RAB33A: variants seen among roughly 807,000 people sequenced by gnomAD.
RAB33A encodes RAB33A, member RAS oncogene family, also known as ras-related protein Rab-33A.
Under a neutral mutation model 12.0 loss-of-function variants are expected in RAB33A, and 6 were observed. The observed-to-expected ratio is 0.50, with a 90% CI of 0.27 to 0.99. RAB33A has a LOEUF of 0.99. Among genes scored for constraint, RAB33A ranks in the 50% least tolerant of loss-of-function variants. RAB33A has a pLI of 0.11. For missense variants in RAB33A, 109 were observed against 192.0 expected (o/e 0.57, Z 2.55); for synonymous variants, 70 against 82.4 (o/e 0.85, Z 0.81).
chrX:130,111,511 G>T, the RAB33A span, among the ~76,000 whole-genome samples: 1 of 112,666 alleles, frequency 8.9e-6, no homozygotes, highest in Admixed American at 9.3e-5. Context: ...GGAACCATAT[G>T]CCCGACTCCG....
chrX:130,131,435 T>C, the RAB33A span, among the ~76,000 whole-genome samples: 3 of 112,749 alleles, frequency 2.7e-5, no homozygotes, highest in South Asian at 1.1e-3. Flanking sequence ...CTAGCCACTG[T>C]CCACTGTCTA....
upstream of RAB33A, among the ~76,000 whole-genome samples, chrX:130,170,740 G>A (rs2031595158): frequency 8.9e-6 from 1 of 112,337 alleles, no homozygotes; most frequent in African/African-American, 3.2e-5. Context: ...TCAGCTGCAG[G>A]GGGAGGTGAA....
the RAB33A span, chrX:130,147,694 T>C: frequency 1.7e-6 from 2 of 1,210,160 alleles, no homozygotes; most frequent in African/African-American, 3.5e-5. Flanking sequence ...AGCATTCACA[T>C]TAGCTAAATG....
intron 1 of RAB33A, among the ~76,000 whole-genome samples, chrX:130,182,611 G>A (rs1161024792): frequency 9.1e-6 from 1 of 109,750 alleles, no homozygotes; most frequent in Admixed American, 9.8e-5. Context: ...AAAATTAGCC[G>A]GGCGTGGTGG....
the RAB33A span, chrX:130,149,530 A>G: frequency 1.7e-6 from 2 of 1,209,440 alleles, no homozygotes; most frequent in South Asian, 1.8e-5. Context: ...AAATTCTTTC[A>G]TTGTATCTTT....
At chrX:130,137,313 G>A in the RAB33A span, 28 of 1,182,660 alleles carry the variant, frequency 2.4e-5, no homozygotes, top group Non-Finnish European at 2.5e-5. Flanking sequence ...CAGGCCGAGC[G>A]CCCACTTACA....
chrX:130,125,471 C>G, the RAB33A span, among the ~76,000 whole-genome samples: 2 of 111,274 alleles, frequency 1.8e-5, no homozygotes, highest in Admixed American at 1.9e-4. Flanking sequence ...AGTCTTACTT[C>G]ACCTCTGGGC....
At chrX:130,162,603 G>T in the RAB33A span, among the ~76,000 whole-genome samples, 1 of 112,278 alleles carries the variant, frequency 8.9e-6, no homozygotes, top group South Asian at 3.7e-4. Context: ...CAGAAACAAC[G>T]GGGGAAGACT....
chrX:130,156,129 T>A, the RAB33A span, among the ~76,000 whole-genome samples: 1 of 112,178 alleles, frequency 8.9e-6, no homozygotes, highest in East Asian at 2.8e-4. Flanking sequence ...CAATGGATTT[T>A]GACTTTATTC....
chrX:130,149,684 T>A, the RAB33A span: 6 of 561,631 alleles, frequency 1.1e-5, no homozygotes, highest in Admixed American at 1.4e-4. Context: ...AGTTCCTCTA[T>A]GTCAAAACCA....
At chrX:130,129,822 T>C in the RAB33A span, 1 of 834,641 alleles carries the variant, frequency 1.2e-6, no homozygotes, top group Middle Eastern at 3.9e-4. Flanking sequence ...AAAAAGAATG[T>C]TCCTGAGCCA....
At chrX:130,119,032 G>T in the RAB33A span, among the ~76,000 whole-genome samples, 1 of 111,737 alleles carries the variant, frequency 8.9e-6, no homozygotes, top group African/African-American at 3.3e-5. Flanking sequence ...ACGAAGAGAA[G>T]GGCTGACCGA....
chrX:130,143,574 GA>G, the RAB33A span, among the ~76,000 whole-genome samples: 3 of 111,092 alleles, frequency 2.7e-5, no homozygotes, highest in African/African-American at 9.8e-5. Context: ...ATACTGGCTG[GA>G]CACGATGGCT....
chrX:130,155,354 A>G, the RAB33A span: 1 of 1,151,905 alleles, frequency 8.7e-7, no homozygotes, highest in East Asian at 3.0e-5. Flanking sequence ...ATGAAGAAAC[A>G]TTCAATACAA....
chrX:130,129,275 T>C, the RAB33A span: 1 of 365,275 alleles, frequency 2.7e-6, no homozygotes, highest in South Asian at 3.5e-5. Flanking sequence ...AAAAATCCTG[T>C]GCTTGGTCGG....
Position 130,184,776 on chromosome X carries a change from G to A in RAB33A, c.*36G>A. ...TATAAATACAAGATAAATTATCACT[G>A]GAGTTTTTTCTTTCCCTTTTTTCTG... On this transcript the variant is annotated 3_prime_UTR_variant, in exon 2 of 2. Coordinates refer to ENST00000257017, the MANE Select transcript of RAB33A (RefSeq NM_004794.3). 3 of 1,152,546 alleles carry A rather than the reference G, an allele frequency of 2.6e-6. No homozygotes were observed. The highest frequency in any genetic ancestry group is 2.5e-4 in the Middle Eastern group (1 of 3,951). The allele number at this position is 1,152,546 out of a possible 1,213,427, so 95.0% of individuals were successfully genotyped here. A position where few individuals can be genotyped will look rare whatever the true frequency, so the allele number is the denominator to read the frequency against.
At chrX:130,145,718 C>T in the RAB33A span, 1 of 491,145 alleles carries the variant, frequency 2.0e-6, no homozygotes, top group Non-Finnish European at 3.5e-6. Flanking sequence ...ATGGTCATGA[C>T]TTGCTTACAT....
At chrX:130,111,582 C>A in the RAB33A span, among the ~76,000 whole-genome samples, 8 of 111,796 alleles carry the variant, frequency 7.2e-5, no homozygotes, top group African/African-American at 2.6e-4. Context: ...TTAGGGAAGT[C>A]GAGTCTAGGA....
chrX:130,133,245 ACT>A, the RAB33A span: 635 of 1,184,338 alleles, frequency 5.4e-4, 9 homozygotes, highest in South Asian at 0.01. Flanking sequence ...CCAAACCATA[ACT>A]CTGTGTTATG....
Sources: allele counts gnomAD v4.1 joint callset (sites outside exome capture counted in the v4.1 genomes callset), GRCh38; gene constraint gnomAD v4.1.1; transcripts MANE v1.5; gene names NCBI Gene and HGNC (gene_info 2026-07-23, HGNC 2026-07-21).